Variants in ADAM18 observed in about 807,000 individuals in gnomAD.
ADAM18 encodes disintegrin and metalloproteinase domain-containing protein 18.
Under a neutral mutation model 94.4 loss-of-function variants are expected in ADAM18, and 117 were observed. That is an observed-to-expected ratio of 1.24 (90% CI 1.07 to 1.45). The LOEUF (loss-of-function observed/expected upper bound fraction) is 1.45. Ranked by LOEUF, ADAM18 falls within the 40% of genes most tolerant of loss-of-function variation. The pLI is 0.00. For missense variants in ADAM18, 936 were observed against 880.0 expected, an observed-to-expected ratio of 1.06 and a Z score of -0.81; for synonymous variants, 327 against 291.6, an observed-to-expected ratio of 1.12 and a Z score of -1.24.
chr8:39,606,215 G>A, intron 2 of ADAM18, 92 bp from the exon 3 acceptor site: 1 of 674,514 alleles, frequency 1.5e-6, no homozygotes, highest in Non-Finnish European at 2.5e-6. Context: ...ATTTTTAATA[G>A]ATAGACTCTT....
intron 2 of ADAM18, among the ~76,000 whole-genome samples, chr8:39,604,129 C>T (rs1472935341): frequency 6.6e-6 from 1 of 152,192 alleles, no homozygotes; most frequent in Non-Finnish European, 1.5e-5. Context: ...AAGCACATTG[C>T]TTCTCTGCCA....
At chr8:39,603,220 C>A (rs991204255) in intron 2 of ADAM18, among the ~76,000 whole-genome samples, 6 of 152,080 alleles carry the variant, frequency 3.9e-5, no homozygotes, top group Admixed American at 3.9e-4. Context: ...TTTTTCTGTG[C>A]GTCCATTTTG....
chr8:39,676,613 C>T (rs4610710), intron 14 of ADAM18, among the ~76,000 whole-genome samples: 152,243 of 152,258 alleles, frequency 1, 76,114 homozygotes, highest in Middle Eastern at 1. Context: ...GCAGGGGCAA[C>T]GCCCCGCCCT....
chr8:39,629,713 T>C (rs1242688112), intron 7 of ADAM18, among the ~76,000 whole-genome samples: 1 of 151,722 alleles, frequency 6.6e-6, no homozygotes. Flanking sequence ...TCACTCTTTC[T>C]TTCTTTTTAT....
chr8:39,629,243 G>T (rs998047823), intron 6 of ADAM18, 131 bp from the exon 7 acceptor site: 2 of 625,412 alleles, frequency 3.2e-6, no homozygotes, highest in African/African-American at 2.0e-5. Context: ...TTCTACATCA[G>T]AATTAATTTT....
At chr8:39,669,384 T>C (rs1242419439) in intron 14 of ADAM18, among the ~76,000 whole-genome samples, 1 of 151,632 alleles carries the variant, frequency 6.6e-6, no homozygotes, top group East Asian at 1.9e-4. Flanking sequence ...TATATATGTA[T>C]ACATGTGCCA....
At chr8:39,657,557 C>G (rs1036605414) in intron 12 of ADAM18, among the ~76,000 whole-genome samples, 1 of 152,128 alleles carries the variant, frequency 6.6e-6, no homozygotes, top group African/African-American at 2.4e-5. Flanking sequence ...CTCAAGTGAT[C>G]CACCCGCTTT....
At chr8:39,656,490 T>C (rs1820688006) in intron 12 of ADAM18, among the ~76,000 whole-genome samples, 1 of 152,126 alleles carries the variant, frequency 6.6e-6, no homozygotes, top group Non-Finnish European at 1.5e-5. Flanking sequence ...GATATATTGT[T>C]GATAAATGTG....
chr8:39,638,611 T>A, intron 10 of ADAM18, 65 bp downstream of exon 10: 1 of 966,622 alleles, frequency 1.0e-6, no homozygotes, highest in East Asian at 2.9e-5. Context: ...TTGTAAGTAT[T>A]AATTTAAGTA....
Position 39,606,862 on chromosome 8 carries a change from T to C in ADAM18, c.188+500T>C, listed in dbSNP as rs1585890996. Among the ~76,000 whole-genome samples the C allele has an allele frequency of 2.0e-5, 3 of 151,804 alleles. No individual in the cohort carries two copies. In the South Asian group the frequency reaches 6.3e-4, roughly 32 times the overall value. On this transcript the variant is annotated intron_variant, in intron 3 of 19. Transcript: ENST00000265707. ...ATTACAGTCAAAGGGGGTTGTTCTC[T>C]GGCGGGCAGGGGCGGGGAACACAAG...
chr8:39,725,745 A>G (rs1434456896), intron 19 of ADAM18, among the ~76,000 whole-genome samples: 3 of 152,062 alleles, frequency 2.0e-5, no homozygotes, highest in Non-Finnish European at 2.9e-5. Flanking sequence ...TTCTTTATCT[A>G]TTTACCCATG....
chr8:39,646,877 A>C (rs1259781487), intron 11 of ADAM18, among the ~76,000 whole-genome samples: 1 of 152,162 alleles, frequency 6.6e-6, no homozygotes, highest in Non-Finnish European at 1.5e-5. Flanking sequence ...TGTATAGAAA[A>C]ATATTGAAAG....
intron 6 of ADAM18, among the ~76,000 whole-genome samples, chr8:39,621,576 T>C (rs1161519293): frequency 6.6e-6 from 1 of 152,056 alleles, no homozygotes; most frequent in Non-Finnish European, 1.5e-5. Flanking sequence ...TTGTGAATAT[T>C]ATTTTAATTT....
In ADAM18 at chr8:39,681,186, C is replaced by T. The variant is rs557065342; in HGVS notation, c.1821+960C>T. Among the ~76,000 whole-genome samples, 5 of 152,320 alleles carry T rather than the reference C, an allele frequency of 3.3e-5. No individual in the cohort carries two copies. In the South Asian group the frequency reaches 1.0e-3, roughly 32 times the overall value. On this transcript the variant is annotated intron_variant, in intron 16 of 19. Coordinates refer to ENST00000265707, the MANE Select transcript of ADAM18 (RefSeq NM_014237.3). Reference sequence around the variant, plus strand: ...GACTTCTGTTTTGCATGGACTCTCTCCCTTGCCTTCTCAGATTGCTTGCTT... The same window carrying T: ...GACTTCTGTTTTGCATGGACTCTCTTCCTTGCCTTCTCAGATTGCTTGCTT...
intron 17 of ADAM18, among the ~76,000 whole-genome samples, chr8:39,697,325 TTC>T (rs1821953449): frequency 6.6e-6 from 1 of 151,628 alleles, no homozygotes; most frequent in South Asian, 2.1e-4. Flanking sequence ...TTTTATGTTA[TTC>T]TTTCTTTCCA....
At chr8:39,712,570 A>G (rs1385756220) in intron 18 of ADAM18, among the ~76,000 whole-genome samples, 1 of 152,226 alleles carries the variant, frequency 6.6e-6, no homozygotes, top group Non-Finnish European at 1.5e-5. Flanking sequence ...AAATTGCCTT[A>G]AGCTGATAAG....
intron 14 of ADAM18, among the ~76,000 whole-genome samples, chr8:39,673,728 T>C (rs891234846): frequency 5.3e-5 from 8 of 152,216 alleles, no homozygotes; most frequent in Non-Finnish European, 2.9e-5. Context: ...GTGTCGATTT[T>C]AGATCTTTCC....
At chr8:39,641,626 A>G (rs1366150598) in intron 10 of ADAM18, among the ~76,000 whole-genome samples, 1 of 152,086 alleles carries the variant, frequency 6.6e-6, no homozygotes, top group Non-Finnish European at 1.5e-5. Context: ...ATAAGTGAGA[A>G]CATGTGGTAT....
intron 17 of ADAM18, among the ~76,000 whole-genome samples, chr8:39,701,236 T>C (rs1822069351): frequency 1.3e-5 from 2 of 150,246 alleles, no homozygotes; most frequent in South Asian, 4.2e-4. Flanking sequence ...TAAAAATATA[T>C]ATATTTCTGA....
Sources: gnomAD v4.1 joint callset for allele counts (sites outside exome capture counted in the v4.1 genomes callset) on GRCh38, gnomAD v4.1.1 for gene constraint, MANE v1.5 for transcripts, NCBI Gene and HGNC (gene_info 2026-07-23, HGNC 2026-07-21) for gene names.